Variants in MACROD2 observed in about 807,000 individuals in gnomAD.
The protein encoded by MACROD2 is ADP-ribose glycohydrolase MACROD2.
In MACROD2, 36 loss-of-function variants were observed where a neutral mutation model predicts 70.4. That is an observed-to-expected ratio of 0.51 (90% confidence interval 0.39 to 0.68). MACROD2 has a LOEUF of 0.68. Among genes scored for constraint, MACROD2 ranks in the 30% least tolerant of loss-of-function variants. The pLI, the probability that MACROD2 is intolerant of heterozygous loss-of-function variation, is 0.00. For synonymous variants in MACROD2, 172 were observed against 178.8 expected, an observed-to-expected ratio of 0.96 and a Z score of 0.30; for missense variants, 496 against 538.4, an observed-to-expected ratio of 0.92 and a Z score of 0.78.
At chr20:14,231,860 T>C (rs2081816657) in intron 3 of MACROD2, among the ~76,000 whole-genome samples, 1 of 152,206 alleles carries the variant, frequency 6.6e-6, no homozygotes, top group African/African-American at 2.4e-5. Flanking sequence ...TATCTCATTG[T>C]GGTTTTGATT....
At chr20:14,263,766 G>A (rs1204187434) in intron 3 of MACROD2, among the ~76,000 whole-genome samples, 1 of 151,900 alleles carries the variant, frequency 6.6e-6, no homozygotes, top group Admixed American at 6.6e-5. Context: ...GTTGAGACCA[G>A]TCTGGGAAAC....
At chr20:14,816,339 T>C (rs1385878857) in intron 5 of MACROD2, among the ~76,000 whole-genome samples, 1 of 152,044 alleles carries the variant, frequency 6.6e-6, no homozygotes, top group Non-Finnish European at 1.5e-5. Flanking sequence ...AGCAAAAATG[T>C]TGTTTAAGAA....
chr20:14,954,590 T>C (rs1251628467), intron 5 of MACROD2, among the ~76,000 whole-genome samples: 1 of 134,572 alleles, frequency 7.4e-6, no homozygotes, highest in Non-Finnish European at 1.5e-5. Flanking sequence ...TTATAAATTA[T>C]ATATAATAAT....
At chr20:15,851,096 G>A (rs376318864) in intron 8 of MACROD2, among the ~76,000 whole-genome samples, 364 of 152,144 alleles carry the variant, frequency 2.4e-3, no homozygotes, top group African/African-American at 7.9e-3. Flanking sequence ...AAAATAGAGC[G>A]TTATTGTCCT....
chr20:15,341,168 AT>A (rs1393137535), intron 6 of MACROD2, among the ~76,000 whole-genome samples: 1 of 152,094 alleles, frequency 6.6e-6, no homozygotes, highest in East Asian at 1.9e-4. Context: ...ACTCATTCAT[AT>A]TTTCTTTGGT....
chr20:15,898,549 TA>T (rs10678216), intron 10 of MACROD2, among the ~76,000 whole-genome samples: 12 of 94,504 alleles, frequency 1.3e-4, no homozygotes, highest in African/African-American at 4.3e-4. Flanking sequence ...AGACTCAGTC[TA>T]AAAAAAAAAA....
chr20:14,287,695 G>A (rs2082355990), intron 3 of MACROD2, among the ~76,000 whole-genome samples: 1 of 152,068 alleles, frequency 6.6e-6, no homozygotes, highest in African/African-American at 2.4e-5. Flanking sequence ...TTTGAGCCAG[G>A]GCTAGATTCT....
Position 14,803,734 on chromosome 20 carries a change from G to A in MACROD2, c.418+118775G>A, listed in dbSNP as rs879749427. Among the ~76,000 whole-genome samples, 9 of 151,984 alleles carry A rather than the reference G, an allele frequency of 5.9e-5. 1 individual carries two copies. The highest frequency in any genetic ancestry group is 1.2e-4 in the Non-Finnish European group (8 of 67,990). On this transcript the variant is annotated intron_variant, in intron 5 of 17. Transcript: ENST00000684519. ...GACCTCAGGCGATTCACCCACCTTG[G>A]CCTCCCAAAGTGCTGGGATTACAGG...
chr20:14,784,467 A>G (rs1194781527), intron 5 of MACROD2, among the ~76,000 whole-genome samples: 2 of 152,012 alleles, frequency 1.3e-5, no homozygotes, highest in East Asian at 3.9e-4. Context: ...CACTTCTCAT[A>G]ATCTGACCTT....
chr20:14,770,021 A>G (rs2072143695), intron 5 of MACROD2, among the ~76,000 whole-genome samples: 2 of 152,178 alleles, frequency 1.3e-5, no homozygotes, highest in South Asian at 4.1e-4. Context: ...AAATCATTTC[A>G]TGAAATTCTA....
At chr20:15,024,380 G>A (rs921935183) in intron 5 of MACROD2, among the ~76,000 whole-genome samples, 6 of 152,030 alleles carry the variant, frequency 3.9e-5, no homozygotes, top group Non-Finnish European at 8.8e-5. Flanking sequence ...AGAAAAAGAG[G>A]AGGAAGAAGA....
chr20:15,379,561 G>A (rs1003891083), intron 6 of MACROD2, among the ~76,000 whole-genome samples: 5 of 151,870 alleles, frequency 3.3e-5, no homozygotes, highest in African/African-American at 9.7e-5. Flanking sequence ...GATGGCTCAC[G>A]TTTCAAACCT....
At chr20:15,702,573 T>C (rs1346120242) in intron 8 of MACROD2, among the ~76,000 whole-genome samples, 1 of 152,204 alleles carries the variant, frequency 6.6e-6, no homozygotes, top group African/African-American at 2.4e-5. Flanking sequence ...TATTAGACCT[T>C]TGTTGAATGC....
At chr20:15,004,301 A>G (rs2075018892) in intron 5 of MACROD2, among the ~76,000 whole-genome samples, 1 of 152,222 alleles carries the variant, frequency 6.6e-6, no homozygotes, top group African/African-American at 2.4e-5. Context: ...TATCCCCTCT[A>G]TCTGGACTAC....
intron 15 of MACROD2, among the ~76,000 whole-genome samples, chr20:16,034,154 G>T (rs1354354857): frequency 6.6e-6 from 1 of 152,040 alleles, no homozygotes; most frequent in Non-Finnish European, 1.5e-5. Flanking sequence ...TCAAGGACTG[G>T]AATGCTTTTT....
At chr20:14,172,999 G>A (rs1235240944) in intron 3 of MACROD2, among the ~76,000 whole-genome samples, 2 of 152,146 alleles carry the variant, frequency 1.3e-5, no homozygotes, top group Non-Finnish European at 2.9e-5. Context: ...TAGGGTTTCT[G>A]GTGGGAAATC....
chr20:14,042,410 G>C (rs2053404318), intron 2 of MACROD2, among the ~76,000 whole-genome samples: 1 of 152,148 alleles, frequency 6.6e-6, no homozygotes, highest in South Asian at 2.1e-4. Context: ...TAACACAGAA[G>C]ACTCCTGTGA....
intron 8 of MACROD2, among the ~76,000 whole-genome samples, chr20:15,824,856 G>A (rs10485542): frequency 0.07 from 10,704 of 152,168 alleles, 856 homozygotes; most frequent in African/African-American, 0.19. Flanking sequence ...TGGAATAGAC[G>A]CTCATTAATG....
intron 5 of MACROD2, among the ~76,000 whole-genome samples, chr20:15,185,415 A>T (rs1304338747): frequency 6.6e-6 from 1 of 152,178 alleles, no homozygotes; most frequent in African/African-American, 2.4e-5. Context: ...ATTTAGCCCT[A>T]AATTACAGTT....
Sources: gnomAD v4.1 joint callset for allele counts (sites outside exome capture counted in the v4.1 genomes callset) on GRCh38, gnomAD v4.1.1 for gene constraint, MANE v1.5 for transcripts, NCBI Gene and HGNC (gene_info 2026-07-23, HGNC 2026-07-21) for gene names.